Variants in KAZN observed in about 807,000 individuals in gnomAD.
KAZN encodes the protein kazrin.
Under a neutral mutation model 87.4 loss-of-function variants are expected in KAZN, and 40 were observed. The observed-to-expected ratio is 0.46, with a 90% CI of 0.36 to 0.60. The LOEUF (loss-of-function observed/expected upper bound fraction) is 0.60. Among genes scored for constraint, KAZN ranks in the 20% least tolerant of loss-of-function variants. The probability of loss-of-function intolerance (pLI) is 0.00; values close to 1 mark genes in which losing one functional copy is unlikely to be tolerated. For synonymous variants in KAZN, 466 were observed against 458.3 expected (o/e 1.02, Z -0.22); for missense variants, 898 against 1,073.9 (o/e 0.84, Z 2.29).
At chr1:14,084,644 T>TA (rs892208310) in intron 1 of KAZN, among the ~76,000 whole-genome samples, 9 of 147,368 alleles carry the variant, frequency 6.1e-5, no homozygotes, top group Admixed American at 2.8e-4. Flanking sequence ...TCTGTAACTT[T>TA]AAAAAAAAAG....
Position 15,114,603 on chromosome 1 carries a change from G to T in KAZN, c.2296G>T (p.Gly766Cys). The T allele has an allele frequency of 1.3e-6, 2 of 1,596,482 alleles. No homozygotes were observed. The highest frequency in any genetic ancestry group is 1.7e-6 in the Non-Finnish European group (2 of 1,171,458). ...QSRLEQCRLE[G>C]YNSLEVTNV ...CAGGCTGGAACAGTGCCGTCTGGAAGGCTACAACAGCCTGGAGGTCACCAA... is the reference window on the plus strand; with the variant it reads ...CAGGCTGGAACAGTGCCGTCTGGAATGCTACAACAGCCTGGAGGTCACCAA... The change falls in exon 15 of 15, where the codon GGC (glycine) becomes TGC (cysteine). Residue 766 changes from glycine (G) to cysteine (C), a missense_variant. Around this residue, in one of 3 missense-constraint regions of KAZN, gnomAD observed 127 missense variants for 121.5 expected, o/e 1.04. Coordinates refer to ENST00000376030, the MANE Select transcript of KAZN (RefSeq NM_201628.3).
chr1:15,114,633 T>A lies in KAZN; in HGVS notation c.2326T>A (p.Ter776LysextTer114). The A allele has an allele frequency of 6.3e-7, 1 of 1,579,822 alleles. No homozygotes were observed. The highest frequency in any genetic ancestry group is 8.6e-7 in the Non-Finnish European group (1 of 1,162,778). ...CAACAGCCTGGAGGTCACCAACGTG[T>A]AAGGAACTGGTGGCTCCACCAGACC... ...GYNSLEVTNV[*>K] Residue 776 changes from the stop codon to lysine, a stop_lost, in exon 15 of 15, where the codon TAA becomes AAA. Transcript: ENST00000376030.
At chr1:14,395,089 A>G (rs1662780886) in intron 2 of KAZN, among the ~76,000 whole-genome samples, 1 of 152,066 alleles carries the variant, frequency 6.6e-6, no homozygotes, top group Admixed American at 6.6e-5. Context: ...AAGGAGAGAG[A>G]GAGGGAGAGA....
intron 1 of KAZN, among the ~76,000 whole-genome samples, chr1:14,625,691 G>A (rs1162957368): frequency 6.6e-6 from 1 of 152,204 alleles, no homozygotes; most frequent in African/African-American, 2.4e-5. Context: ...TTATCATCCT[G>A]CCTTTCAAAA....
chr1:14,766,083 G>A (rs1435108325), intron 1 of KAZN, among the ~76,000 whole-genome samples: 3 of 152,182 alleles, frequency 2.0e-5, no homozygotes, highest in Non-Finnish European at 4.4e-5. Context: ...AGGTGAATAG[G>A]ATAGTGAGAC....
chr1:14,174,568 A>C (rs1646028568), intron 1 of KAZN, among the ~76,000 whole-genome samples: 1 of 152,138 alleles, frequency 6.6e-6, no homozygotes, highest in Non-Finnish European at 1.5e-5. Context: ...GAAAATTTTG[A>C]GTTTGTTTCT....
At chr1:14,061,192 G>A (rs1642780425) in intron 1 of KAZN, among the ~76,000 whole-genome samples, 1 of 152,208 alleles carries the variant, frequency 6.6e-6, no homozygotes, top group Admixed American at 6.5e-5. Flanking sequence ...CACAGCCTGT[G>A]ATAACAGTGG....
At chr1:14,399,256 A>G (rs1386459838) in intron 2 of KAZN, among the ~76,000 whole-genome samples, 4 of 152,000 alleles carry the variant, frequency 2.6e-5, no homozygotes, top group Admixed American at 2.6e-4. Flanking sequence ...AGGTCAAGTG[A>G]TCCTCCCGCC....
At chr1:14,027,487 C>G (rs1449724269) in intron 1 of KAZN, among the ~76,000 whole-genome samples, 1 of 151,908 alleles carries the variant, frequency 6.6e-6, no homozygotes, top group East Asian at 1.9e-4. Flanking sequence ...CGGCTTCTGC[C>G]CCCCCGCCAC....
At chr1:14,142,342 TC>T (rs1645258643) in intron 1 of KAZN, among the ~76,000 whole-genome samples, 1 of 152,182 alleles carries the variant, frequency 6.6e-6, no homozygotes, top group Non-Finnish European at 1.5e-5. Flanking sequence ...TCTAAAAATG[TC>T]TTAGCTTTTA....
At chr1:14,868,717 G>A (rs1017008665) in intron 1 of KAZN, among the ~76,000 whole-genome samples, 3 of 151,738 alleles carry the variant, frequency 2.0e-5, no homozygotes, top group Non-Finnish European at 2.9e-5. Context: ...GGTGGCGTGT[G>A]CCTGTAGTCC....
chr1:14,921,858 T>C (rs1249737171), intron 1 of KAZN, among the ~76,000 whole-genome samples: 1 of 152,150 alleles, frequency 6.6e-6, no homozygotes, highest in Non-Finnish European at 1.5e-5. Context: ...ATTACAGGTG[T>C]GTGCCACCAC....
chr1:13,912,100 C>A (rs976137035), intron 1 of KAZN, among the ~76,000 whole-genome samples: 2 of 152,160 alleles, frequency 1.3e-5, no homozygotes, highest in African/African-American at 4.8e-5. Context: ...GCTAGAGGAC[C>A]ATGTGCTTGG....
chr1:14,384,597 T>C (rs889530261), intron 2 of KAZN, among the ~76,000 whole-genome samples: 1 of 152,226 alleles, frequency 6.6e-6, no homozygotes, highest in African/African-American at 2.4e-5. Context: ...TCTTTGGTTC[T>C]GTTTATATGC....
intron 1 of KAZN, among the ~76,000 whole-genome samples, chr1:14,701,996 C>T (rs1165737129): frequency 1.3e-5 from 2 of 152,104 alleles, no homozygotes; most frequent in Admixed American, 6.5e-5. Flanking sequence ...ATTACTGGAG[C>T]GGAGGCCCCT....
intron 2 of KAZN, among the ~76,000 whole-genome samples, chr1:14,540,898 G>A (rs1672771844): frequency 1.3e-5 from 2 of 152,210 alleles, no homozygotes; most frequent in East Asian, 1.9e-4. Context: ...AGAGATTCTA[G>A]CTCCCAGCTG....
chr1:15,079,089 C>T (rs1639885414), intron 8 of KAZN, among the ~76,000 whole-genome samples: 1 of 152,140 alleles, frequency 6.6e-6, no homozygotes, highest in African/African-American at 2.4e-5. Context: ...GAAGACAGCA[C>T]CTCCAATCAC....
chr1:13,907,302 A>G (rs1639478083), intron 1 of KAZN, among the ~76,000 whole-genome samples: 1 of 152,146 alleles, frequency 6.6e-6, no homozygotes, highest in African/African-American at 2.4e-5. Context: ...TCAGTTGGCG[A>G]ATGTCTCCCT....
chr1:14,105,373 C>G (rs148680777), intron 1 of KAZN, among the ~76,000 whole-genome samples: 80 of 152,228 alleles, frequency 5.3e-4, no homozygotes, highest in African/African-American at 1.8e-3. Flanking sequence ...AGAGCCCATT[C>G]AATACAGAAA....
Sources: allele counts gnomAD v4.1 joint callset (sites outside exome capture counted in the v4.1 genomes callset), GRCh38; gene constraint gnomAD v4.1.1; regional missense constraint gnomAD v4.1.1; transcripts MANE v1.5; gene names NCBI Gene and HGNC (gene_info 2026-07-23, HGNC 2026-07-21).